TMC3: variants seen among roughly 807,000 people sequenced by gnomAD.
TMC3 encodes transmembrane channel like 3.
Under a neutral mutation model 110.6 loss-of-function variants are expected in TMC3, and 98 were observed. The observed-to-expected ratio is 0.89, with a 90% CI of 0.75 to 1.05. TMC3 has a LOEUF of 1.05. Among genes scored for constraint, TMC3 ranks in the 50% least tolerant of loss-of-function variants. TMC3 has a pLI of 0.00. For missense variants in TMC3, 1,319 were observed against 1,373.2 expected, an observed-to-expected ratio of 0.96 and a Z score of 0.62; for synonymous variants, 489 against 513.1, an observed-to-expected ratio of 0.95 and a Z score of 0.63.
intron 15 of TMC3, chr15:81,343,021 CT>C: frequency 2.4e-6 from 1 of 421,900 alleles, no homozygotes; most frequent in South Asian, 3.8e-5. Flanking sequence ...GTGTATTCTA[CT>C]GGTTTCTGTG....
At chr15:81,352,567 A>T (rs986613515) in intron 9 of TMC3, among the ~76,000 whole-genome samples, 3 of 152,208 alleles carry the variant, frequency 2.0e-5, no homozygotes, top group Admixed American at 2.0e-4. Flanking sequence ...ATATTTTTTA[A>T]ATCATTATTT....
At position 81,332,902 on chromosome 15, in the gene TMC3, C is replaced by T; in HGVS notation, c.2820G>A (p.Gln940=). ...SRVPRQPPSP[Q]LSEEEEETPS... ...GCGTCTCCTCCTCTTCTTCACTCAG[C>T]TGTGGGGAGGGAGGCTGGCGGGGGA... is the stretch of plus-strand genomic sequence containing the variant. Residue 940 remains glutamine (Q), a synonymous_variant, in exon 22 of 22, where the codon CAG becomes CAA. Transcript: ENST00000359440. 6.2e-7 allele frequency: 1 copy of T among 1,613,244 alleles called. No individual in the cohort carries two copies. Among genetic ancestry groups the T allele is most frequent in the Non-Finnish European group, 8.5e-7 (1 of 1,179,850 alleles).
At chr15:81,369,424 T>C (rs1372013916) in intron 2 of TMC3, among the ~76,000 whole-genome samples, 1 of 152,204 alleles carries the variant, frequency 6.6e-6, no homozygotes, top group Admixed American at 6.5e-5. Context: ...GGAGCAAGGT[T>C]GATGTTCTAC....
At chr15:81,361,841 A>G (rs1894193760) in intron 4 of TMC3, 1 of 160,604 alleles carries the variant, frequency 6.2e-6, no homozygotes, top group African/African-American at 2.4e-5. Flanking sequence ...AAATGGGCAC[A>G]ATTATCTCTA....
chr15:81,356,305 G>A (rs912874463), intron 8 of TMC3, 142 bp downstream of exon 8: 1 of 744,130 alleles, frequency 1.3e-6, no homozygotes, highest in Non-Finnish European at 1.9e-6. Context: ...CCTGGAGCAT[G>A]TTCACCTCAC....
intron 7 of TMC3, 100 bp downstream of exon 7, chr15:81,358,049 A>G (rs1270462819): frequency 3.0e-6 from 4 of 1,333,402 alleles, no homozygotes; most frequent in Non-Finnish European, 4.0e-6. Flanking sequence ...GAAATCAAGC[A>G]GTCATACTTT....
At chr15:81,370,914 C>T (rs1195653007) in intron 2 of TMC3, among the ~76,000 whole-genome samples, 1 of 152,098 alleles carries the variant, frequency 6.6e-6, no homozygotes, top group African/African-American at 2.4e-5. Flanking sequence ...ACCTTGTGAT[C>T]CACCTGCCTT....
intron 19 of TMC3, 26 bp from the exon 20 acceptor site, chr15:81,336,677 T>C: frequency 6.2e-7 from 1 of 1,613,394 alleles, no homozygotes. Context: ...TATGCATGTT[T>C]GTTTTGGCTT....
chr15:81,349,325 T>G (rs1893891982), intron 11 of TMC3, 133 bp downstream of exon 11: 3 of 469,896 alleles, frequency 6.4e-6, no homozygotes, highest in Non-Finnish European at 1.1e-5. Flanking sequence ...TTGAGTTGCA[T>G]CCATAGGTAA....
At chr15:81,368,875 G>C (rs1368919372) in intron 2 of TMC3, among the ~76,000 whole-genome samples, 1 of 151,866 alleles carries the variant, frequency 6.6e-6, no homozygotes, top group African/African-American at 2.4e-5. Flanking sequence ...GAATTAACCT[G>C]ATATCTCTGC....
chr15:81,337,726 T>G (rs1378309139), intron 19 of TMC3, 120 bp downstream of exon 19: 1 of 808,792 alleles, frequency 1.2e-6, no homozygotes, highest in African/African-American at 1.7e-5. Flanking sequence ...TGCACCATAG[T>G]GGGTGGCCAA....
chr15:81,364,878 T>A (rs1894275496), intron 3 of TMC3, among the ~76,000 whole-genome samples: 1 of 151,448 alleles, frequency 6.6e-6, no homozygotes, highest in South Asian at 2.1e-4. Flanking sequence ...AATATGCTGA[T>A]GCTTGTAATG....
chr15:81,356,267 T>G (rs561277000), intron 8 of TMC3, among the ~76,000 whole-genome samples, 180 bp downstream of exon 8: 1 of 152,342 alleles, frequency 6.6e-6, no homozygotes, highest in Admixed American at 6.5e-5. Context: ...TGTTTCTCCC[T>G]CCCTTCATTG....
intron 12 of TMC3, 122 bp downstream of exon 12, chr15:81,346,243 G>T: frequency 3.4e-6 from 3 of 891,304 alleles, no homozygotes; most frequent in Non-Finnish European, 5.4e-6. Flanking sequence ...GTCAAGTTTT[G>T]CACATGATTA....
At position 81,339,468 on chromosome 15, in the gene TMC3, CA is replaced by C. The variant is rs1419943046; in HGVS notation, c.1880del (p.Met627SerfsTer20). On this transcript the variant is annotated frameshift_variant, in exon 17 of 22. Transcript: ENST00000359440. LOFTEE classifies it high-confidence loss of function. ...TGGTTGGCAGCATGCACAGAAACAG[CA>C]TAAACAGGAGCATTGCCAAGTAGAA... ...NNFYLAMLLF[M>X]LFLCMLPTIF... The C allele has an allele frequency of 6.2e-7, 1 of 1,608,536 alleles. No individual in the cohort carries two copies. The highest frequency in any genetic ancestry group is 8.5e-7 in the Non-Finnish European group (1 of 1,177,288).
chr15:81,361,884 A>C (rs775851949), intron 4 of TMC3: 21 of 166,430 alleles, frequency 1.3e-4, no homozygotes, highest in Non-Finnish European at 1.7e-4. Context: ...TGTGTTTTGC[A>C]ATTCCTTGAG....
At chr15:81,340,884 A>T (rs992520695) in intron 16 of TMC3, among the ~76,000 whole-genome samples, 1 of 152,250 alleles carries the variant, frequency 6.6e-6, no homozygotes, top group Non-Finnish European at 1.5e-5. Context: ...TTTCTCAGTG[A>T]GTTGAATCTC....
intron 3 of TMC3, among the ~76,000 whole-genome samples, chr15:81,367,648 A>G (rs935070932): frequency 1.3e-5 from 2 of 152,306 alleles, no homozygotes; most frequent in East Asian, 1.9e-4. Flanking sequence ...AATCAAACCT[A>G]CGAATATGGG....
intron 2 of TMC3, among the ~76,000 whole-genome samples, chr15:81,370,907 T>C (rs1894419916): frequency 6.6e-6 from 1 of 152,122 alleles, no homozygotes; most frequent in Admixed American, 6.5e-5. Flanking sequence ...TCTCCTGACC[T>C]TGTGATCCAC....
Sources: gnomAD v4.1 joint callset for allele counts (sites outside exome capture counted in the v4.1 genomes callset) on GRCh38, gnomAD v4.1.1 for gene constraint, MANE v1.5 for transcripts, NCBI Gene and HGNC (gene_info 2026-07-23, HGNC 2026-07-21) for gene names.